CTNND2: variants seen among roughly 807,000 people sequenced by gnomAD.
The protein encoded by CTNND2 is catenin delta-2.
In CTNND2, 22 loss-of-function variants were observed where a neutral mutation model predicts 144.4. That is an observed-to-expected ratio of 0.15 (90% CI 0.11 to 0.22). The LOEUF is 0.22. Among genes scored for constraint, CTNND2 ranks in the 10% least tolerant of loss-of-function variants. The pLI, the probability that CTNND2 is intolerant of heterozygous loss-of-function variation, is 1.00. For synonymous variants in CTNND2, 751 were observed against 695.6 expected (o/e 1.08, Z -1.25); for missense variants, 1,353 against 1,618.8 (o/e 0.84, Z 2.82).
intron 2 of CTNND2, among the ~76,000 whole-genome samples, chr5:11,623,298 A>G (rs1780946143): frequency 6.6e-6 from 1 of 152,070 alleles, no homozygotes; most frequent in Admixed American, 6.6e-5. Context: ...TTGTTACGAG[A>G]GGGACTTGGT....
chr5:11,501,774 C>A lies in CTNND2; in HGVS notation c.287+63170G>T, dbSNP rs918480532. ...CTGTAATACCAGCACTTTGGGAGGCCGAGACGGGCAGATCACAAGGTCGGG... is the reference window on the plus strand; with the variant it reads ...CTGTAATACCAGCACTTTGGGAGGCAGAGACGGGCAGATCACAAGGTCGGG... On this transcript the variant is annotated intron_variant, in intron 3 of 21. Transcript: ENST00000304623. Among the ~76,000 whole-genome samples, 3 of 151,456 alleles carry A rather than the reference C, an allele frequency of 2.0e-5. No homozygotes were observed. The East Asian group carries it at 5.9e-4, about 30-fold the overall frequency.
At chr5:11,865,185 G>C (rs1400564885) in intron 1 of CTNND2, among the ~76,000 whole-genome samples, 1 of 152,154 alleles carries the variant, frequency 6.6e-6, no homozygotes, top group Non-Finnish European at 1.5e-5. Flanking sequence ...ATGAGCCACC[G>C]TGCCAGCCTG....
chr5:11,181,936 G>A lies in CTNND2; in HGVS notation c.1975+17512C>T, dbSNP rs1044304508. Among the ~76,000 whole-genome samples the A allele has an allele frequency of 1.3e-4, 19 of 148,532 alleles. 1 individual carries two copies. The highest frequency in any genetic ancestry group is 9.0e-5 in the Non-Finnish European group (6 of 67,026). ...TGTGTGTGGAGGCTATGTGTGTGGTGTGTGTGTGGGGGGGTGCGTGGTATC... is the reference window on the plus strand; with the variant it reads ...TGTGTGTGGAGGCTATGTGTGTGGTATGTGTGTGGGGGGGTGCGTGGTATC... On this transcript the variant is annotated intron_variant, in intron 11 of 21. Coordinates refer to ENST00000304623, the MANE Select transcript of CTNND2 (RefSeq NM_001332.4).
intron 1 of CTNND2, among the ~76,000 whole-genome samples, chr5:11,830,720 C>T (rs1162311522): frequency 6.6e-6 from 1 of 152,126 alleles, no homozygotes; most frequent in Non-Finnish European, 1.5e-5. Flanking sequence ...AGGAAGCAGA[C>T]CCTGGGCTGA....
intron 2 of CTNND2, among the ~76,000 whole-genome samples, chr5:11,582,765 C>G (rs1411159636): frequency 6.6e-6 from 1 of 152,114 alleles, no homozygotes; most frequent in East Asian, 1.9e-4. Flanking sequence ...TCATATGGAG[C>G]CTGGACCACA....
At chr5:11,013,206 C>A (rs541176420) in intron 18 of CTNND2, among the ~76,000 whole-genome samples, 1 of 152,280 alleles carries the variant, frequency 6.6e-6, no homozygotes, top group South Asian at 2.1e-4. Flanking sequence ...TTAGATCATA[C>A]CCTTTTGTCC....
chr5:11,675,692 A>T (rs1309368186), intron 2 of CTNND2, among the ~76,000 whole-genome samples: 2 of 152,116 alleles, frequency 1.3e-5, no homozygotes, highest in East Asian at 3.9e-4. Context: ...AATGTTAAAA[A>T]AACTGTTACA....
chr5:11,039,024 C>A (rs1744389162), intron 16 of CTNND2, among the ~76,000 whole-genome samples: 1 of 152,220 alleles, frequency 6.6e-6, no homozygotes, highest in African/African-American at 2.4e-5. Flanking sequence ...TTGTCACAGT[C>A]CTCATTCAGG....
At chr5:11,081,468 G>A (rs550733537) in intron 16 of CTNND2, among the ~76,000 whole-genome samples, 15 of 152,194 alleles carry the variant, frequency 9.9e-5, no homozygotes, top group Non-Finnish European at 1.6e-4. Flanking sequence ...AGATGTTTTC[G>A]GATTTGGGAA....
intron 18 of CTNND2, among the ~76,000 whole-genome samples, chr5:10,994,722 G>A (rs1418348646): frequency 2.0e-5 from 3 of 152,106 alleles, no homozygotes; most frequent in Non-Finnish European, 1.5e-5. Context: ...CTGAATAGGC[G>A]TGAGCAGGGG....
At chr5:11,475,502 T>C (rs532514133) in intron 3 of CTNND2, among the ~76,000 whole-genome samples, 60 of 152,308 alleles carry the variant, frequency 3.9e-4, no homozygotes, top group African/African-American at 1.4e-3. Context: ...TCTCAAGGAA[T>C]TTAGGGAAAT....
intron 16 of CTNND2, among the ~76,000 whole-genome samples, chr5:11,023,686 T>G (rs1258370324): frequency 2.0e-5 from 3 of 152,218 alleles, no homozygotes; most frequent in Admixed American, 6.5e-5. Context: ...ACTTACTAAT[T>G]TGGTGTGTTT....
intron 10 of CTNND2, among the ~76,000 whole-genome samples, chr5:11,226,341 T>C (rs1249717346): frequency 6.6e-6 from 1 of 152,204 alleles, no homozygotes; most frequent in African/African-American, 2.4e-5. Flanking sequence ...CCACTCCTTA[T>C]TGCTGTCCAC....
At chr5:11,801,852 A>C (rs1791699802) in intron 1 of CTNND2, among the ~76,000 whole-genome samples, 1 of 152,240 alleles carries the variant, frequency 6.6e-6, no homozygotes, top group South Asian at 2.1e-4. Flanking sequence ...TAACAAAATA[A>C]GCAATTGCAT....
At chr5:11,244,280 ATTTTTT>A (rs11322159) in intron 9 of CTNND2, among the ~76,000 whole-genome samples, 2 of 104,100 alleles carry the variant, frequency 1.9e-5, no homozygotes, top group South Asian at 3.0e-4. Context: ...GTCCTATACA[ATTTTTT>A]TTTTTTTTTT....
intron 1 of CTNND2, among the ~76,000 whole-genome samples, chr5:11,819,083 T>C (rs1207241163): frequency 6.6e-6 from 1 of 152,166 alleles, no homozygotes; most frequent in Non-Finnish European, 1.5e-5. Context: ...TGAAACAGTA[T>C]CTGTACAGTA....
chr5:11,494,527 A>G (rs771418319), intron 3 of CTNND2, among the ~76,000 whole-genome samples: 1 of 152,184 alleles, frequency 6.6e-6, no homozygotes, highest in Non-Finnish European at 1.5e-5. Flanking sequence ...AGGTGCTGCC[A>G]CCTTTTGGTT....
intron 3 of CTNND2, among the ~76,000 whole-genome samples, chr5:11,493,590 G>A (rs1769656194): frequency 6.6e-6 from 1 of 152,166 alleles, no homozygotes; most frequent in Non-Finnish European, 1.5e-5. Context: ...CTGCTTTAAT[G>A]GAGATATATA....
intron 3 of CTNND2, among the ~76,000 whole-genome samples, chr5:11,554,244 G>T (rs1339508622): frequency 6.6e-6 from 1 of 152,114 alleles, no homozygotes; most frequent in African/African-American, 2.4e-5. Flanking sequence ...AATATATTTT[G>T]ATGAAGAATC....
Sources: allele counts gnomAD v4.1 joint callset (sites outside exome capture counted in the v4.1 genomes callset), GRCh38; gene constraint gnomAD v4.1.1; transcripts MANE v1.5; gene names NCBI Gene and HGNC (gene_info 2026-07-23, HGNC 2026-07-21).